The following CFH variants were observed in gnomAD, a reference collection of about 807,000 sequenced individuals.
CFH encodes the protein H factor 1 (complement).
Under a neutral mutation model 147.3 loss-of-function variants are expected in CFH, and 53 were observed. The ratio of observed to expected loss-of-function variants is 0.36; its 90% CI spans 0.29 to 0.45. CFH has a LOEUF of 0.45. CFH is among the 20% of genes least tolerant of loss of function. The pLI is 1.00. For synonymous variants in CFH, 536 were observed against 489.4 expected, an observed-to-expected ratio of 1.10 and a Z score of -1.26; for missense variants, 1,380 against 1,498.0, an observed-to-expected ratio of 0.92 and a Z score of 1.30.
At chr1:196,684,549 A>G (rs2149084957) in intron 6 of CFH, among the ~76,000 whole-genome samples, 1 of 152,086 alleles carries the variant, frequency 6.6e-6, no homozygotes, top group South Asian at 2.1e-4. Context: ...GAAAGAGAAC[A>G]TAAAAATTCA....
chr1:196,731,516 C>T (rs765192905), intron 15 of CFH, among the ~76,000 whole-genome samples: 1 of 151,940 alleles, frequency 6.6e-6, no homozygotes, highest in Non-Finnish European at 1.5e-5. Flanking sequence ...AACCTTTATG[C>T]TAGCTGTATT....
In CFH at chr1:196,726,467, T is replaced by A; in HGVS notation, c.1874-3T>A. The A allele has an allele frequency of 6.2e-7, 1 of 1,603,672 alleles. No homozygotes were observed. Among genetic ancestry groups the A allele is most frequent in the South Asian group, 1.1e-5 (1 of 90,794 alleles). On this transcript the variant is annotated splice_polypyrimidine_tract_variant and splice_region_variant and intron_variant, in intron 12 of 21. Transcript: ENST00000367429. ...CATTATTTACATAGTATTTCTACTATAGAGCAAGTACAATCATGTGGTCCA... is the reference window on the plus strand; with the variant it reads ...CATTATTTACATAGTATTTCTACTAAAGAGCAAGTACAATCATGTGGTCCA...
chr1:196,725,407 T>C, intron 12 of CFH, 110 bp downstream of exon 12: 1 of 1,047,892 alleles, frequency 9.5e-7, no homozygotes, highest in Non-Finnish European at 1.5e-6. Context: ...ATGAATTAAG[T>C]CAAATATTTG....
At position 196,747,421 on chromosome 1, in the gene CFH, T is replaced by C. The variant is rs1423045598; in HGVS notation, c.*108T>C. 1.5e-6 allele frequency: 2 copies of C among 1,357,504 alleles called. No individual in the cohort carries two copies. Among genetic ancestry groups the C allele is most frequent in the Non-Finnish European group, 2.1e-6 (2 of 969,804 alleles). 84.1% of individuals were successfully genotyped at this position (1,357,504 alleles called of 1,614,324 possible). A position where few individuals can be genotyped will look rare whatever the true frequency, so the allele number is the denominator to read the frequency against. On this transcript the variant is annotated 3_prime_UTR_variant, in exon 22 of 22. Coordinates refer to ENST00000367429, the MANE Select transcript of CFH (RefSeq NM_000186.4). ...TCCTTTTTATTCATACGTAAAATTT[T>C]GGATTAATTTGTGAAAATGTAATTA...
At chr1:196,714,668 T>TATATAGAGAG (rs1362376856) in intron 10 of CFH, among the ~76,000 whole-genome samples, 6 of 21,310 alleles carry the variant, frequency 2.8e-4, no homozygotes, top group Non-Finnish European at 4.2e-4. Context: ...TATATATATA[T>TATATAGAGAG]AGAGAGAGAG....
intron 1 of CFH, among the ~76,000 whole-genome samples, chr1:196,657,897 C>T (rs1351308552): frequency 6.6e-6 from 1 of 151,870 alleles, no homozygotes; most frequent in East Asian, 1.9e-4. Flanking sequence ...AAGGATTTCC[C>T]AAATATATAA....
At chr1:196,720,083 C>A (rs1192677179) in intron 11 of CFH, among the ~76,000 whole-genome samples, 1 of 151,702 alleles carries the variant, frequency 6.6e-6, no homozygotes, top group African/African-American at 2.4e-5. Context: ...ATATGTCAGT[C>A]ATCAAGAATT....
chr1:196,745,578 G>A (rs979375008), intron 20 of CFH, among the ~76,000 whole-genome samples: 10 of 152,158 alleles, frequency 6.6e-5, no homozygotes, highest in East Asian at 1.9e-4. Context: ...CTTAATCCTG[G>A]TCTACCATAA....
intron 9 of CFH, among the ~76,000 whole-genome samples, chr1:196,706,582 A>G (rs914323509): frequency 4.6e-5 from 7 of 152,236 alleles, no homozygotes; most frequent in African/African-American, 1.7e-4. Flanking sequence ...AAAGAACTCA[A>G]AATGAGTGGA....
At chr1:196,667,293 C>G (rs909479458) in intron 1 of CFH, among the ~76,000 whole-genome samples, 2 of 152,138 alleles carry the variant, frequency 1.3e-5, no homozygotes, top group African/African-American at 4.8e-5. Context: ...AAGTTACCAA[C>G]GTGTCATCAG....
chr1:196,721,058 A>T (rs1418387941), intron 11 of CFH, among the ~76,000 whole-genome samples: 1 of 151,802 alleles, frequency 6.6e-6, no homozygotes, highest in African/African-American at 2.4e-5. Flanking sequence ...GATTACTGAT[A>T]TTGAGTTTTT....
chr1:196,708,058 G>C (rs1668635412), intron 9 of CFH, among the ~76,000 whole-genome samples: 1 of 152,106 alleles, frequency 6.6e-6, no homozygotes, highest in Non-Finnish European at 1.5e-5. Context: ...ATAGTCTCAT[G>C]CCACTCATTA....
chr1:196,668,288 G>A (rs1335663572), intron 1 of CFH, among the ~76,000 whole-genome samples: 1 of 152,096 alleles, frequency 6.6e-6, no homozygotes, highest in Non-Finnish European at 1.5e-5. Context: ...GCTTAAGAAT[G>A]TGTTTCTATT....
At chr1:196,718,606 C>A (rs1668927063) in intron 11 of CFH, among the ~76,000 whole-genome samples, 1 of 151,992 alleles carries the variant, frequency 6.6e-6, no homozygotes, top group Non-Finnish European at 1.5e-5. Flanking sequence ...TCATAAATTT[C>A]TTTTCTGTGA....
rs114384772 is a variant in CFH at position 196,731,814 on chromosome 1, C to T, written c.2413+3292C>T. 6.9e-3 allele frequency among the ~76,000 whole-genome samples: 1,051 copies of T among 152,002 alleles called. 12 individuals carry two copies. The highest frequency in any genetic ancestry group is 0.024 in the African/African-American group (1,012 of 41,512). On this transcript the variant is annotated intron_variant, in intron 15 of 21. Coordinates refer to ENST00000367429, the MANE Select transcript of CFH (RefSeq NM_000186.4). ...CTTTCAGAATTTTGAGTATATCATT[C>T]CACTTCCTTATGGCCTGCAAGGTTT...
chr1:196,669,360 A>G (rs1317977375), intron 1 of CFH, among the ~76,000 whole-genome samples: 1 of 152,180 alleles, frequency 6.6e-6, no homozygotes, highest in Non-Finnish European at 1.5e-5. Context: ...CACCATGACA[A>G]GGGAAAAATG....
intron 11 of CFH, among the ~76,000 whole-genome samples, chr1:196,724,355 A>C (rs939665019): frequency 6.6e-6 from 1 of 152,070 alleles, no homozygotes; most frequent in Non-Finnish European, 1.5e-5. Context: ...CTACCACTGC[A>C]GCTCAGGCCC....
In CFH at chr1:196,747,236, C is replaced by T; in HGVS notation, c.3619C>T (p.Leu1207Phe). 1 of 1,613,938 alleles carries T rather than the reference C, an allele frequency of 6.2e-7. No homozygotes were observed. The highest frequency in any genetic ancestry group is 8.5e-7 in the Non-Finnish European group (1 of 1,179,902). The change falls in exon 22 of 22, where the codon CTT becomes TTT. Residue 1207 changes from leucine to phenylalanine, a missense_variant. Leu to Phe is a conservative substitution (Grantham distance 22). Transcript: ENST00000367429. Reference protein sequence around the residue: ...VEFVCKRGYRLSSRSHTLRTT... With the variant: ...VEFVCKRGYRFSSRSHTLRTT... ...ATTTGTGTGTAAACGGGGATATCGT[C>T]TTTCATCACGTTCTCACACATTGCG...
Position 196,690,230 on chromosome 1 carries a change from A to T in CFH, c.1327A>T (p.Ile443Phe). 1 of 1,613,312 alleles carries T rather than the reference A, an allele frequency of 6.2e-7. No homozygotes were observed. The highest frequency in any genetic ancestry group is 8.5e-7 in the Non-Finnish European group (1 of 1,179,530). ...TGGCTGGTCTCCTACTCCCAGATGC[A>T]TCCGTGTCAGTAAGTACACTACTCT... Reference protein sequence around the residue: ...ENGWSPTPRCIRVKTCSKSSI... With the variant: ...ENGWSPTPRCFRVKTCSKSSI... The change falls in exon 9 of 22, where the codon ATC (isoleucine) becomes TTC (phenylalanine). Residue 443 changes from isoleucine (I) to phenylalanine (F), a missense_variant. This residue lies in a region of CFH where 830 missense variants were observed against 821.4 expected (regional missense o/e 1.01). Transcript: ENST00000367429.
Sources: allele counts gnomAD v4.1 joint callset (sites outside exome capture counted in the v4.1 genomes callset), GRCh38; gene constraint gnomAD v4.1.1; regional missense constraint gnomAD v4.1.1; transcripts MANE v1.5; gene names NCBI Gene and HGNC (gene_info 2026-07-23, HGNC 2026-07-21).